The following ATP4A variants were observed in gnomAD, a reference collection of about 807,000 sequenced individuals.
ATP4A encodes the protein ATPase H+/K+ transporting subunit alpha.
Under a neutral mutation model 112.1 loss-of-function variants are expected in ATP4A, and 73 were observed. The ratio of observed to expected loss-of-function variants is 0.65; its 90% CI spans 0.54 to 0.79. The LOEUF (loss-of-function observed/expected upper bound fraction) is 0.79, where lower values mean the gene tolerates loss of function less well. ATP4A is among the 30% of genes least tolerant of loss of function. The probability of loss-of-function intolerance (pLI) is 0.00; values close to 1 mark genes in which losing one functional copy is unlikely to be tolerated. For synonymous variants in ATP4A, 588 were observed against 588.9 expected (o/e 1.00, Z 0.02); for missense variants, 1,081 against 1,425.9 (o/e 0.76, Z 3.90).
rs1358051486 is a variant in ATP4A, at chr19:35,559,540, C to T, written c.1056+265G>A. 6.6e-6 allele frequency among the ~76,000 whole-genome samples: 1 copy of T among 152,240 alleles called. No homozygotes were observed. The highest frequency in any genetic ancestry group is 1.5e-5 in the Non-Finnish European group (1 of 68,042). ...TGACTGTGGAAGGTCTGGTGACATGCTGGCTGCCTGCACAGGACATCAGCC... is the reference window on the plus strand; with the variant it reads ...TGACTGTGGAAGGTCTGGTGACATGTTGGCTGCCTGCACAGGACATCAGCC... On this transcript the variant is annotated intron_variant, in intron 7 of 21. Transcript: ENST00000262623. The surrounding 1 kb of genome is among the most constrained non-coding windows in gnomAD (Gnocchi z 4.1).
chr19:35,560,276 G>A lies in ATP4A; in HGVS notation c.787+87C>T, dbSNP rs898579518. 105 of 1,576,360 alleles carry A rather than the reference G, an allele frequency of 6.7e-5. 1 individual carries two copies. In the Admixed American group the frequency reaches 1.8e-3, roughly 27 times the overall value. ...CAGTCATGCAGGAGAGAGACAGGGAGGCTGAAGCCCCCTGTCCTAGAAGAT... is the reference window on the plus strand; with the variant it reads ...CAGTCATGCAGGAGAGAGACAGGGAAGCTGAAGCCCCCTGTCCTAGAAGAT... On this transcript the variant is annotated intron_variant, in intron 6 of 21. Coordinates refer to ENST00000262623, the MANE Select transcript of ATP4A (RefSeq NM_000704.3). This position sits in a 1 kb window ranked among gnomAD's most constrained non-coding sequence, Gnocchi z 5.1.
chr19:35,555,044 T>A lies in ATP4A; in HGVS notation c.2359A>T (p.Ile787Phe). 1 of 1,613,934 alleles carries A rather than the reference T, an allele frequency of 6.2e-7. No homozygotes were observed. The highest frequency in any genetic ancestry group is 1.3e-5 in the African/African-American group (1 of 75,000). Residue 787 changes from isoleucine to phenylalanine, a missense_variant, in exon 16 of 22, where the codon ATT (isoleucine) becomes TTT (phenylalanine). This residue lies in a region of ATP4A where 12 missense variants were observed against 36.8 expected (regional missense o/e 0.33). Transcript: ENST00000262623. This position sits in a 1 kb window ranked among gnomAD's most constrained non-coding sequence, Gnocchi z 6.6. The stretch of plus-strand genomic sequence containing the variant: ...ATGTTCTTGGTCAATGTGTAGGCAA[T>A]AGACTTCTTCAGGTTGTCGAAGATC... ...RLIFDNLKKS[I>F]AYTLTKNIPE...
chr19:35,562,866 C>T lies in ATP4A; in HGVS notation c.217-228G>A, dbSNP rs78062096. ...TTCTATGTGTCTCTCTCCTGCTGCT[C>T]TCTCCTTATTTGTCTCTGCCTTCTC... On this transcript the variant is annotated intron_variant, in intron 3 of 21. Transcript: ENST00000262623. Among the ~76,000 whole-genome samples the T allele has an allele frequency of 7.8e-4, 117 of 150,830 alleles. No individual in the cohort carries two copies. The East Asian group carries it at 0.02, about 26-fold the overall frequency.
intron 12 of ATP4A, 85 bp downstream of exon 12, chr19:35,556,828 G>T: frequency 1.3e-6 from 2 of 1,500,566 alleles, no homozygotes; most frequent in Non-Finnish European, 1.8e-6. Flanking sequence ...CCAGTTTCAG[G>T]TGGGTTTGTC....
chr19:35,555,679 C>A lies in ATP4A; in HGVS notation c.2003G>T (p.Arg668Leu), dbSNP rs145767701. Residue 668 changes from arginine (R) to leucine (L), a missense_variant, in exon 13 of 22, where the codon CGC becomes CTC. By Grantham distance (102) the Arg-to-Leu change is moderately radical. This residue lies in a region of ATP4A where 850 missense variants were observed against 1,068.2 expected (regional missense o/e 0.80). Transcript: ENST00000262623. This position sits in a 1 kb window ranked among gnomAD's most constrained non-coding sequence, Gnocchi z 6.6. Reference sequence around the variant, plus strand: ...GGGGAGGTCTGGGGGGGCTTACTTGCGATTAACCTGGTCTACGGGCACACG... The same window carrying A: ...GGGGAGGTCTGGGGGGGCTTACTTGAGATTAACCTGGTCTACGGGCACACG... The part of the protein sequence containing the change: ...RLRVPVDQVN[R>L]KDARACVING... The A allele has an allele frequency of 4.4e-5, 71 of 1,600,784 alleles. No individual in the cohort carries two copies. In the African/African-American group the frequency reaches 8.2e-4, roughly 18 times the overall value.
At position 35,555,180 on chromosome 19, in the gene ATP4A, G is replaced by A. The variant is rs2071623399; in HGVS notation, c.2312C>T (p.Thr771Ile). ...LLDDNFASIV[T>I]GVEQGRLIFD... ...GTGGCTCGGACCCTGCTCCACGCCT[G>A]TCACAATGGAGGCAAAGTTGTCATC... Residue 771 changes from threonine (T) to isoleucine (I), a missense_variant, in exon 15 of 22, where the codon ACA becomes ATA. Coordinates refer to ENST00000262623, the MANE Select transcript of ATP4A (RefSeq NM_000704.3). This position sits in a 1 kb window ranked among gnomAD's most constrained non-coding sequence, Gnocchi z 6.6. 1 of 1,614,102 alleles carries A rather than the reference G, an allele frequency of 6.2e-7. No individual in the cohort carries two copies. Among genetic ancestry groups the A allele is most frequent in the Non-Finnish European group, 8.5e-7 (1 of 1,180,014 alleles).
At position 35,555,817 on chromosome 19, in the gene ATP4A, A is replaced by G. The variant is rs375470351; in HGVS notation, c.1870-5T>C. The G allele has an allele frequency of 5.8e-5, 93 of 1,602,564 alleles. No individual in the cohort carries two copies. The highest frequency in any genetic ancestry group is 7.4e-5 in the Non-Finnish European group (87 of 1,171,210). On this transcript the variant is annotated splice_polypyrimidine_tract_variant and splice_region_variant and intron_variant, in intron 12 of 21. Coordinates refer to ENST00000262623, the MANE Select transcript of ATP4A (RefSeq NM_000704.3). The surrounding 1 kb of genome is among the most constrained non-coding windows in gnomAD (Gnocchi z 6.6). ...GTCACCCGTTACCATGATCACCTGT[A>G]GGGGGAACCAGTGGATCACTGACCC...
chr19:35,555,379 G>A lies in ATP4A; in HGVS notation c.2158-45C>T. On this transcript the variant is annotated intron_variant, in intron 14 of 21. Coordinates refer to ENST00000262623, the MANE Select transcript of ATP4A (RefSeq NM_000704.3). The surrounding 1 kb of genome is among the most constrained non-coding windows in gnomAD (Gnocchi z 6.6). Reference sequence around the variant, plus strand: ...GTGGTGGGTGGGTGGTCAGTGAGAGGCCGGTCCAAGACCAGCCCCGCCTGT... The same window carrying A: ...GTGGTGGGTGGGTGGTCAGTGAGAGACCGGTCCAAGACCAGCCCCGCCTGT... 1.3e-6 allele frequency: 2 copies of A among 1,596,958 alleles called. No homozygotes were observed. Among genetic ancestry groups the A allele is most frequent in the Middle Eastern group, 1.7e-4 (1 of 5,946 alleles).
intron 17 of ATP4A, 150 bp downstream of exon 17, chr19:35,553,556 A>T: frequency 1.7e-6 from 2 of 1,207,548 alleles, no homozygotes; most frequent in Non-Finnish European, 2.3e-6. Context: ...TGTCACAAAC[A>T]GAGAGGGACA....
rs376184359 is a variant in ATP4A, at chr19:35,560,812, A to T, written c.534+7T>A. 8 of 1,612,942 alleles carry T rather than the reference A, an allele frequency of 5.0e-6. No individual in the cohort carries two copies. The African/African-American group carries it at 1.1e-4, about 22-fold the overall frequency. ...GATCTGGAGTGGCTGGGTGCTGGGG[A>T]ACCCACCTGTGGCACAAGGTTCTTA... On this transcript the variant is annotated splice_region_variant and intron_variant, in intron 5 of 21. Coordinates refer to ENST00000262623, the MANE Select transcript of ATP4A (RefSeq NM_000704.3). The surrounding 1 kb of genome is among the most constrained non-coding windows in gnomAD (Gnocchi z 5.1).
Position 35,560,009 on chromosome 19 carries a change from C to A in ATP4A, c.852G>T (p.Leu284=). 6.2e-7 allele frequency: 1 copy of A among 1,614,256 alleles called. No individual in the cohort carries two copies. The highest frequency in any genetic ancestry group is 8.5e-7 in the Non-Finnish European group (1 of 1,180,048). Residue 284 remains leucine, a synonymous_variant, in exon 7 of 22, where the codon CTG becomes CTT. Transcript: ENST00000262623. This position sits in a 1 kb window ranked among gnomAD's most constrained non-coding sequence, Gnocchi z 5.1. ...DRTIIGRIAS[L]ASGVENEKTP... ...TCTTCTCGTTTTCCACCCCCGACGCCAGCGATGCGATGCGCCCAATGATGG... is the reference window on the plus strand; with the variant it reads ...TCTTCTCGTTTTCCACCCCCGACGCAAGCGATGCGATGCGCCCAATGATGG...
At chr19:35,553,646 A>G in intron 17 of ATP4A, 60 bp downstream of exon 17, 1 of 1,587,494 alleles carries the variant, frequency 6.3e-7, no homozygotes, top group Non-Finnish European at 8.6e-7. Context: ...GGCCTGGGGC[A>G]GGCGAGCAGC....
chr19:35,555,927 T>A lies in ATP4A; in HGVS notation c.1870-115A>T, dbSNP rs1441239664. ...ATTTACTTGACCAAGCGTGACCACCTCCTACGTGCCTGGGATATAGCAGAG... is the reference window on the plus strand; with the variant it reads ...ATTTACTTGACCAAGCGTGACCACCACCTACGTGCCTGGGATATAGCAGAG... On this transcript the variant is annotated intron_variant, in intron 12 of 21. Transcript: ENST00000262623. This position sits in a 1 kb window ranked among gnomAD's most constrained non-coding sequence, Gnocchi z 6.6. The A allele has an allele frequency of 3.7e-5, 52 of 1,415,818 alleles. No homozygotes were observed. The highest frequency in any genetic ancestry group is 4.8e-5 in the Non-Finnish European group (51 of 1,057,550). 87.7% of individuals were successfully genotyped at this position (1,415,818 alleles called of 1,614,324 possible).
chr19:35,555,539 T>C lies in ATP4A; in HGVS notation c.2058A>G (p.Pro686=), dbSNP rs1014497874. 11 of 1,600,732 alleles carry C rather than the reference T, an allele frequency of 6.9e-6. No individual in the cohort carries two copies. Among genetic ancestry groups the C allele is most frequent in the South Asian group, 5.6e-5 (5 of 89,500 alleles). ...TGCGCAGGGCCTCGACCAGTTCCGA[T>C]GGGTCCATGTCCTTCAGCTGCATGC... ...INGMQLKDMD[P]SELVEALRTH... Residue 686 remains proline (P), a synonymous_variant, in exon 14 of 22, where the codon CCA becomes CCG. Coordinates refer to ENST00000262623, the MANE Select transcript of ATP4A (RefSeq NM_000704.3). This position sits in a 1 kb window ranked among gnomAD's most constrained non-coding sequence, Gnocchi z 6.6.
chr19:35,555,709 C>A lies in ATP4A; in HGVS notation c.1973G>T (p.Arg658Leu). The A allele has an allele frequency of 1.2e-6, 2 of 1,609,870 alleles. No homozygotes were observed. Among genetic ancestry groups the A allele is most frequent in the Non-Finnish European group, 1.7e-6 (2 of 1,176,490 alleles). Residue 658 changes from arginine to leucine, a missense_variant, in exon 13 of 22, where the codon CGC becomes CTC. By Grantham distance (102) the Arg-to-Leu change is moderately radical. Transcript: ENST00000262623. The surrounding 1 kb of genome is among the most constrained non-coding windows in gnomAD (Gnocchi z 6.6). ...GSETVEDIAA[R>L]LRVPVDQVNR... ...AACCTGGTCTACGGGCACACGGAGGCGGGCAGCGATGTCCTCCACTGTCTC... is the reference window on the plus strand; with the variant it reads ...AACCTGGTCTACGGGCACACGGAGGAGGGCAGCGATGTCCTCCACTGTCTC...
At position 35,553,034 on chromosome 19, in the gene ATP4A, C is replaced by T; in HGVS notation, c.2751+3G>A. 1 of 1,593,922 alleles carries T rather than the reference C, an allele frequency of 6.3e-7. No homozygotes were observed. Among genetic ancestry groups the T allele is most frequent in the South Asian group, 1.1e-5 (1 of 89,920 alleles). On this transcript the variant is annotated splice_donor_region_variant and intron_variant, in intron 18 of 21. Coordinates refer to ENST00000262623, the MANE Select transcript of ATP4A (RefSeq NM_000704.3). ...GGATGGGATGGGGCGGGGCAGGGCT[C>T]ACCCACTCCTGGCCGTAGCTGTCCT...
In ATP4A at chr19:35,560,832, T is replaced by G. The variant is rs1186438667; in HGVS notation, c.521A>C (p.Asn174Thr). 6.2e-7 allele frequency: 1 copy of G among 1,613,666 alleles called. No homozygotes were observed. The highest frequency in any genetic ancestry group is 8.5e-7 in the Non-Finnish European group (1 of 1,179,906). Residue 174 changes from asparagine to threonine, a missense_variant, in exon 5 of 22, where the codon AAC becomes ACC. This residue lies in a region of ATP4A where 850 missense variants were observed against 1,068.2 expected (regional missense o/e 0.80). Coordinates refer to ENST00000262623, the MANE Select transcript of ATP4A (RefSeq NM_000704.3). This position sits in a 1 kb window ranked among gnomAD's most constrained non-coding sequence, Gnocchi z 5.1. ...KSTNIIASFK[N>T]LVPQQATVIR... ...TGGGGAACCCACCTGTGGCACAAGG[T>G]TCTTAAAGCTGGCGATGATGTTGGT...
chr19:35,553,026 G>A lies in ATP4A; in HGVS notation c.2751+11C>T. The A allele has an allele frequency of 6.3e-7, 1 of 1,588,282 alleles. No homozygotes were observed. Among genetic ancestry groups the A allele is most frequent in the African/African-American group, 1.3e-5 (1 of 74,614 alleles). On this transcript the variant is annotated intron_variant, in intron 18 of 21. Transcript: ENST00000262623. ...GAGCCCAGGGATGGGATGGGGCGGG[G>A]CAGGGCTCACCCACTCCTGGCCGTA...
At position 35,562,548 on chromosome 19, in the gene ATP4A, A is replaced by C. The variant is rs1347067380; in HGVS notation, c.307T>G (p.Phe103Val). ...PPRGTPEYVK[F>V]ARQLAGGLQC... ...AGGCCCCCGGCCAGCTGCCTCGCGA[A>C]CTTGACGTACTCTGGGGTGCCCCGT... The change falls in exon 4 of 22, where the codon TTC (phenylalanine) becomes GTC (valine). Residue 103 changes from phenylalanine to valine, a missense_variant. By Grantham distance (50) the Phe-to-Val change is conservative. Coordinates refer to ENST00000262623, the MANE Select transcript of ATP4A (RefSeq NM_000704.3). 1 of 1,613,094 alleles carries C rather than the reference A, an allele frequency of 6.2e-7. No homozygotes were observed. The highest frequency in any genetic ancestry group is 1.7e-5 in the Admixed American group (1 of 59,926).
Sources: allele counts gnomAD v4.1 joint callset (sites outside exome capture counted in the v4.1 genomes callset), GRCh38; gene constraint gnomAD v4.1.1; regional missense constraint gnomAD v4.1.1; non-coding constraint Gnocchi (gnomAD v3.1); transcripts MANE v1.5; gene names NCBI Gene and HGNC (gene_info 2026-07-23, HGNC 2026-07-21).